SCARB1: variants seen among roughly 807,000 people sequenced by gnomAD.
The protein encoded by SCARB1 is scavenger receptor class B member 1.
Under a neutral mutation model 57.2 loss-of-function variants are expected in SCARB1, and 30 were observed. That is an observed-to-expected ratio of 0.52 (90% CI 0.39 to 0.71). SCARB1 has a LOEUF of 0.71. Among genes scored for constraint, SCARB1 ranks in the 30% least tolerant of loss-of-function variants. The pLI is 0.00. For missense variants in SCARB1, 543 were observed against 671.2 expected (o/e 0.81, Z 2.11); for synonymous variants, 249 against 268.3 (o/e 0.93, Z 0.70).
chr12:124,781,183 A>G (rs1373165244), intron 12 of SCARB1, among the ~76,000 whole-genome samples: 1 of 152,212 alleles, frequency 6.6e-6, no homozygotes, highest in African/African-American at 2.4e-5. Context: ...AGCGCCTGCC[A>G]ACGCCAACAG....
At chr12:124,844,779 C>A (rs1317331963) in intron 1 of SCARB1, among the ~76,000 whole-genome samples, 1 of 152,140 alleles carries the variant, frequency 6.6e-6, no homozygotes, top group East Asian at 1.9e-4. Flanking sequence ...GTCTTTGGCC[C>A]ATGCACCTGT....
chr12:124,780,123 C>T (rs1348368207), intron 12 of SCARB1, among the ~76,000 whole-genome samples: 1 of 152,226 alleles, frequency 6.6e-6, no homozygotes, highest in East Asian at 1.9e-4. Flanking sequence ...CCTCCTCCTC[C>T]TCCTCTTTGC....
At chr12:124,823,921 T>A (rs1377022214) in intron 1 of SCARB1, among the ~76,000 whole-genome samples, 1 of 151,594 alleles carries the variant, frequency 6.6e-6, no homozygotes, top group Non-Finnish European at 1.5e-5. Flanking sequence ...TCCCAGCACT[T>A]TGGGAGGCTG....
chr12:124,836,088 G>A (rs1951636866), intron 1 of SCARB1, among the ~76,000 whole-genome samples: 1 of 152,192 alleles, frequency 6.6e-6, no homozygotes, highest in Non-Finnish European at 1.5e-5. Flanking sequence ...ATCCAAAGCG[G>A]GCGATCAGTG....
chr12:124,835,513 C>T (rs1277500489), intron 1 of SCARB1, among the ~76,000 whole-genome samples: 1 of 152,112 alleles, frequency 6.6e-6, no homozygotes, highest in East Asian at 1.9e-4. Flanking sequence ...TAAACCAATT[C>T]TCCCGCTTCA....
rs375759501 is a variant in SCARB1, at chr12:124,807,632, A to T, written c.1009+129T>A. 6.9e-5 allele frequency: 61 copies of T among 878,178 alleles called. No homozygotes were observed. The African/African-American group carries it at 8.6e-4, about 12-fold the overall frequency. The allele number at this position is 878,178 out of a possible 1,614,324, so 54.4% of individuals were successfully genotyped here. ...CAGATTATCTTCCTGCGGCCTCATTATCTTCGCCTAATGGGATTATCAAGA... is the reference window on the plus strand; with the variant it reads ...CAGATTATCTTCCTGCGGCCTCATTTTCTTCGCCTAATGGGATTATCAAGA... On this transcript the variant is annotated intron_variant, in intron 7 of 12. Coordinates refer to ENST00000261693, the MANE Select transcript of SCARB1 (RefSeq NM_005505.5). This position sits in a 1 kb window ranked among gnomAD's most constrained non-coding sequence, Gnocchi z 5.3.
In SCARB1 at chr12:124,814,732, T is replaced by G. The variant is rs1950638901; in HGVS notation, c.426+241A>C. 6.6e-6 allele frequency among the ~76,000 whole-genome samples: 1 copy of G among 151,672 alleles called. No homozygotes were observed. Among genetic ancestry groups the G allele is most frequent in the South Asian group, 2.1e-4 (1 of 4,798 alleles). ...TTTTGGAGATCTCAGAAATGTAAAT[T>G]GAAAAGGGAAAAAAAAGTACTTTGG... On this transcript the variant is annotated intron_variant, in intron 3 of 12. Transcript: ENST00000261693. The surrounding 1 kb of genome is among the most constrained non-coding windows in gnomAD (Gnocchi z 4.7).
At chr12:124,821,760 G>T (rs1950965317) in intron 1 of SCARB1, among the ~76,000 whole-genome samples, 2 of 152,196 alleles carry the variant, frequency 1.3e-5, no homozygotes, top group Admixed American at 1.3e-4. Context: ...CAGAGGGTCA[G>T]CCCTGCAGTC....
rs764149467 is a variant in SCARB1, at chr12:124,857,995, G to A, written c.126+5600C>T. On this transcript the variant is annotated intron_variant, in intron 1 of 12. Coordinates refer to ENST00000261693, the MANE Select transcript of SCARB1 (RefSeq NM_005505.5). ...CTTCCTTGGAGGACCAGAGACATAC[G>A]GGAACTTGGATGTGTGCCCCCCAGG... Among the ~76,000 whole-genome samples the A allele has an allele frequency of 9.9e-5, 15 of 152,274 alleles. No homozygotes were observed. In the East Asian group the frequency reaches 2.1e-3, roughly 22 times the overall value.
chr12:124,807,726 C>T lies in SCARB1; in HGVS notation c.1009+35G>A, dbSNP rs780296142. ...CCCTCAGCTGGCCCCACCCTCACACCCTCCCGCCATCCCAGCACAGGGGAC... is the reference window on the plus strand; with the variant it reads ...CCCTCAGCTGGCCCCACCCTCACACTCTCCCGCCATCCCAGCACAGGGGAC... On this transcript the variant is annotated intron_variant, in intron 7 of 12. Transcript: ENST00000261693. This position sits in a 1 kb window ranked among gnomAD's most constrained non-coding sequence, Gnocchi z 5.3. 16 of 1,612,052 alleles carry T rather than the reference C, an allele frequency of 9.9e-6. No homozygotes were observed. The highest frequency in any genetic ancestry group is 2.2e-5 in the East Asian group (1 of 44,866).
intron 1 of SCARB1, among the ~76,000 whole-genome samples, chr12:124,843,294 G>GA (rs986068438): frequency 1.6e-5 from 2 of 123,172 alleles, no homozygotes; most frequent in African/African-American, 5.2e-5. Flanking sequence ...TGGAGATGGG[G>GA]GGGGGGGTCT....
intron 7 of SCARB1, among the ~76,000 whole-genome samples, chr12:124,806,577 G>T (rs1275245968): frequency 2.0e-5 from 3 of 152,282 alleles, no homozygotes; most frequent in African/African-American, 7.2e-5. Context: ...CGGGCGCTGG[G>T]CCTGCTCAGC....
At chr12:124,828,638 G>A (rs1305981638) in intron 1 of SCARB1, among the ~76,000 whole-genome samples, 2 of 152,214 alleles carry the variant, frequency 1.3e-5, no homozygotes, top group African/African-American at 4.8e-5. Context: ...CCAAATGCCT[G>A]ACCAAGGTCA....
At position 124,787,386 on chromosome 12, in the gene SCARB1, T is replaced by C. The variant is rs1949562992; in HGVS notation, c.1254+20A>G. The C allele has an allele frequency of 6.2e-7, 1 of 1,612,866 alleles. No individual in the cohort carries two copies. Reference sequence around the variant, plus strand: ...GGCTCTTAACAAAAGCCCCCGACGCTGTGCCCAACGCACCCTTACCTCTGC... The same window carrying C: ...GGCTCTTAACAAAAGCCCCCGACGCCGTGCCCAACGCACCCTTACCTCTGC... On this transcript the variant is annotated intron_variant, in intron 10 of 12. Coordinates refer to ENST00000261693, the MANE Select transcript of SCARB1 (RefSeq NM_005505.5).
intron 1 of SCARB1, among the ~76,000 whole-genome samples, chr12:124,853,557 G>A (rs1952515960): frequency 6.6e-6 from 1 of 151,980 alleles, no homozygotes; most frequent in East Asian, 1.9e-4. Context: ...ACCACGCCTG[G>A]CTAATTTTTG....
intron 9 of SCARB1, 40 bp from the exon 10 acceptor site, chr12:124,787,497 T>G (rs1354162601): frequency 6.3e-7 from 1 of 1,581,484 alleles, no homozygotes. Flanking sequence ...AACAAAGTCT[T>G]ACACCCAAAC....
intron 7 of SCARB1, among the ~76,000 whole-genome samples, chr12:124,802,752 C>T (rs1480603160): frequency 6.6e-6 from 1 of 152,156 alleles, no homozygotes; most frequent in African/African-American, 2.4e-5. Context: ...GGATTGCCAC[C>T]GATGATAATT....
rs773699924 is a variant in SCARB1, at chr12:124,795,272, C to T, written c.1129-4G>A. On this transcript the variant is annotated splice_region_variant and splice_polypyrimidine_tract_variant and intron_variant, in intron 8 of 12. Coordinates refer to ENST00000261693, the MANE Select transcript of SCARB1 (RefSeq NM_005505.5). ...AGTTCATGGGGATTCCCGTGACCTG[C>T]GGCAACAAACACAGTGAGGAGACTG... 31 of 1,612,856 alleles carry T rather than the reference C, an allele frequency of 1.9e-5. No homozygotes were observed. The highest frequency in any genetic ancestry group is 2.7e-5 in the African/African-American group (2 of 74,884).
intron 1 of SCARB1, among the ~76,000 whole-genome samples, chr12:124,820,244 C>T (rs547127470): frequency 1.8e-4 from 28 of 152,164 alleles, no homozygotes; most frequent in Non-Finnish European, 2.8e-4. Flanking sequence ...ACTGTGTTCT[C>T]ATCCTCTGAA....
Sources: allele counts gnomAD v4.1 joint callset (sites outside exome capture counted in the v4.1 genomes callset), GRCh38; gene constraint gnomAD v4.1.1; non-coding constraint Gnocchi (gnomAD v3.1); transcripts MANE v1.5; gene names NCBI Gene and HGNC (gene_info 2026-07-23, HGNC 2026-07-21).